Variants in CCDC82 observed in about 807,000 individuals in gnomAD.
The protein encoded by CCDC82 is coiled-coil domain-containing protein 82.
In CCDC82, 47 loss-of-function variants were observed where a neutral mutation model predicts 60.6. The ratio of observed to expected loss-of-function variants is 0.77; its 90% CI spans 0.61 to 0.99. The LOEUF is 0.99. Ranked by LOEUF, CCDC82 falls within the 50% of genes least tolerant of loss-of-function variation. The probability of loss-of-function intolerance (pLI) is 0.00; values close to 1 mark genes in which losing one functional copy is unlikely to be tolerated. For synonymous variants in CCDC82, 212 were observed against 207.4 expected (o/e 1.02, Z -0.19); for missense variants, 588 against 633.0 (o/e 0.93, Z 0.76).
intron 9 of CCDC82, chr11:96,358,666 C>CAA (rs58477850): frequency 2.3e-3 from 2,467 of 1,083,056 alleles, no homozygotes; most frequent in South Asian, 2.9e-3. Context: ...TATACTCTGT[C>CAA]AAAAAAAAAA....
chr11:96,371,446 G>A (rs1267631832), intron 6 of CCDC82, among the ~76,000 whole-genome samples: 3 of 152,086 alleles, frequency 2.0e-5, no homozygotes, highest in African/African-American at 7.2e-5. Context: ...GCCAGGCGTG[G>A]TAGCGGGCAC....
At chr11:96,355,779 A>G (rs1190783132) in intron 9 of CCDC82, 6 of 152,224 alleles carry the variant, frequency 3.9e-5, no homozygotes, top group Non-Finnish European at 5.9e-5. Context: ...CTACCTAAAG[A>G]TACTGCTCTC....
rs546190201 is a variant in CCDC82 at position 96,389,036 on chromosome 11, T to C, written c.-139+808A>G. On this transcript the variant is annotated intron_variant, in intron 1 of 9. Coordinates refer to ENST00000646818, the MANE Select transcript of CCDC82 (RefSeq NM_024725.4). ...AATACACGATTTGAGGGCTACAGTGTATGATTAAGATCAAGTTCTTATCAC... is the reference window on the plus strand; with the variant it reads ...AATACACGATTTGAGGGCTACAGTGCATGATTAAGATCAAGTTCTTATCAC... 1.2e-4 allele frequency: 18 copies of C among 152,350 alleles called. No homozygotes were observed. In the South Asian group the frequency reaches 3.1e-3, roughly 26 times the overall value. 9.4% of individuals were successfully genotyped at this position (152,350 alleles called of 1,614,324 possible).
intron 9 of CCDC82, chr11:96,357,648 G>C: frequency 1.0e-6 from 1 of 984,142 alleles, no homozygotes; most frequent in Non-Finnish European, 1.2e-6. Flanking sequence ...TATGCACAGT[G>C]ATTTTTCTAT....
chr11:96,365,268 C>A (rs1209785052), intron 7 of CCDC82, 118 bp from the exon 8 acceptor site: 2 of 593,854 alleles, frequency 3.4e-6, no homozygotes, highest in South Asian at 3.4e-5. Flanking sequence ...GAGCAAAACA[C>A]CCTGGCATTT....
At chr11:96,381,914 CAGT>C (rs1355977037) in intron 5 of CCDC82, 1 of 151,852 alleles carries the variant, frequency 6.6e-6, no homozygotes, top group African/African-American at 2.4e-5. Flanking sequence ...TGAATCATGG[CAGT>C]AGCATCAAAC....
At chr11:96,379,994 G>A (rs966391213) in intron 5 of CCDC82, among the ~76,000 whole-genome samples, 1 of 151,670 alleles carries the variant, frequency 6.6e-6, no homozygotes, top group African/African-American at 2.4e-5. Context: ...TATTACAAAC[G>A]GAAATGCAAG....
chr11:96,383,408 A>G lies in CCDC82; in HGVS notation c.852T>C (p.Tyr284=), dbSNP rs1273166936. The G allele has an allele frequency of 1.2e-6, 2 of 1,602,936 alleles. No homozygotes were observed. The highest frequency in any genetic ancestry group is 1.7e-4 in the Middle Eastern group (1 of 6,052). The stretch of plus-strand genomic sequence containing the variant: ...AATCATCTCCATCTTCATCAGATTC[A>G]TAATTATCCTCTTCTTCCTCCTCAT... ...EVDEEEEEDN[Y]ESDEDGDDYI... Residue 284 remains tyrosine, a synonymous_variant, in exon 5 of 10, where the codon TAT becomes TAC. Transcript: ENST00000646818.
chr11:96,357,228 C>A lies in CCDC82; in HGVS notation c.1566+1765G>T, dbSNP rs180902184. 3.0e-6 allele frequency: 3 copies of A among 985,104 alleles called. No homozygotes were observed. The African/African-American group carries it at 5.2e-5, about 17-fold the overall frequency. The allele number at this position is 985,104 out of a possible 1,614,324, so 61.0% of individuals were successfully genotyped here. ...CAAATGGGTTTATATTGGCTATAAACCTCTGTGGTTTCTAGGAAATCTTTT... is the reference window on the plus strand; with the variant it reads ...CAAATGGGTTTATATTGGCTATAAAACTCTGTGGTTTCTAGGAAATCTTTT... On this transcript the variant is annotated intron_variant, in intron 9 of 9. Coordinates refer to ENST00000646818, the MANE Select transcript of CCDC82 (RefSeq NM_024725.4).
At chr11:96,359,367 G>A (rs931167621) in intron 8 of CCDC82, 189 bp from the exon 9 acceptor site, 2 of 500,748 alleles carry the variant, frequency 4.0e-6, no homozygotes, top group Non-Finnish European at 6.9e-6. Context: ...CATTGGGCTA[G>A]GCACTAGAGA....
intron 5 of CCDC82, among the ~76,000 whole-genome samples, chr11:96,375,739 T>C (rs1278568365): frequency 6.6e-6 from 1 of 152,212 alleles, no homozygotes; most frequent in Admixed American, 6.5e-5. Flanking sequence ...TATCCCCTAG[T>C]TAAATATTGT....
In CCDC82 at chr11:96,371,140, GT is replaced by G. The variant is rs1847617596; in HGVS notation, c.1085-4del. On this transcript the variant is annotated splice_polypyrimidine_tract_variant and splice_region_variant and intron_variant, in intron 6 of 9. Coordinates refer to ENST00000646818, the MANE Select transcript of CCDC82 (RefSeq NM_024725.4). ...ATATGATTTTTGCCTTGTGCCATCT[GT>G]TCAGGGGATAAACAACAAAAAAAAT... 1.3e-6 allele frequency: 2 copies of G among 1,550,832 alleles called. No homozygotes were observed. Among genetic ancestry groups the G allele is most frequent in the African/African-American group, 2.8e-5 (2 of 72,006 alleles).
chr11:96,384,131 C>G lies in CCDC82; in HGVS notation c.617G>C (p.Gly206Ala). The G allele has an allele frequency of 1.2e-6, 2 of 1,613,694 alleles. No individual in the cohort carries two copies. Among genetic ancestry groups the G allele is most frequent in the Non-Finnish European group, 1.7e-6 (2 of 1,179,744 alleles). ...AACCACTCTACGGGGACGTTTAACA[C>G]CTACTTTTCTAACTAGGATATCGCT... ...DDSDILVRKV[G>A]VKRPRRVVED... The change falls in exon 4 of 10, where the codon GGT (glycine) becomes GCT (alanine). Residue 206 changes from glycine (G) to alanine (A), a missense_variant. Coordinates refer to ENST00000646818, the MANE Select transcript of CCDC82 (RefSeq NM_024725.4).
At chr11:96,388,892 C>T (rs768118625) in intron 1 of CCDC82, 1 of 152,116 alleles carries the variant, frequency 6.6e-6, no homozygotes, top group Non-Finnish European at 1.5e-5. Flanking sequence ...TGAATATCTA[C>T]CAAAATGCAA....
Position 96,384,752 on chromosome 11 carries a change from A to G in CCDC82, c.-5T>C. 1 of 1,571,770 alleles carries G rather than the reference A, an allele frequency of 6.4e-7. No individual in the cohort carries two copies. Among genetic ancestry groups the G allele is most frequent in the South Asian group, 1.2e-5 (1 of 83,024 alleles). On this transcript the variant is annotated 5_prime_UTR_variant, in exon 4 of 10. Coordinates refer to ENST00000646818, the MANE Select transcript of CCDC82 (RefSeq NM_024725.4). ...ATGTCTTCTAACATGTATCATTTTCACTTAAGCTTCTATAAAATAAAGTTG... is the reference window on the plus strand; with the variant it reads ...ATGTCTTCTAACATGTATCATTTTCGCTTAAGCTTCTATAAAATAAAGTTG...
chr11:96,387,879 A>C (rs889200134), intron 1 of CCDC82: 1 of 152,230 alleles, frequency 6.6e-6, no homozygotes, highest in African/African-American at 2.4e-5. Flanking sequence ...ACCAATTGCA[A>C]AATTTAAAGG....
At chr11:96,361,238 T>G (rs1353129122) in intron 8 of CCDC82, among the ~76,000 whole-genome samples, 2 of 152,238 alleles carry the variant, frequency 1.3e-5, no homozygotes, top group African/African-American at 4.8e-5. Flanking sequence ...ATAAAGTGAT[T>G]TGTATTTCTT....
rs557879744 is a variant in CCDC82, at chr11:96,363,336, C to T, written c.1380+1644G>A. On this transcript the variant is annotated intron_variant, in intron 8 of 9. Coordinates refer to ENST00000646818, the MANE Select transcript of CCDC82 (RefSeq NM_024725.4). The stretch of plus-strand genomic sequence containing the variant: ...TTCCTTCTTTACATATATGCATTTA[C>T]ATTGTATTGAAGTAGGATGTAAGAT... 2.6e-5 allele frequency: 4 copies of T among 152,222 alleles called. No homozygotes were observed. In the East Asian group the frequency reaches 7.7e-4, roughly 29 times the overall value. The allele number at this position is 152,222 out of a possible 1,614,324, so 9.4% of individuals were successfully genotyped here.
chr11:96,366,891 C>G (rs976916528), intron 7 of CCDC82, among the ~76,000 whole-genome samples: 1 of 152,168 alleles, frequency 6.6e-6, no homozygotes, highest in African/African-American at 2.4e-5. Flanking sequence ...GTAAATATAT[C>G]AATAACGTGT....
Sources: gnomAD v4.1 joint callset for allele counts (sites outside exome capture counted in the v4.1 genomes callset) on GRCh38, gnomAD v4.1.1 for gene constraint, MANE v1.5 for transcripts, NCBI Gene and HGNC (gene_info 2026-07-23, HGNC 2026-07-21) for gene names.